The following GTF2IRD1 variants were observed in gnomAD, a reference collection of about 807,000 sequenced individuals.
The protein encoded by GTF2IRD1 is general transcription factor II-I repeat domain-containing protein 1.
Under a neutral mutation model 113.2 loss-of-function variants are expected in GTF2IRD1, and 26 were observed. The ratio of observed to expected loss-of-function variants is 0.23; its 90% CI spans 0.17 to 0.32. The LOEUF is 0.32. GTF2IRD1 is among the 10% of genes least tolerant of loss of function. The probability of loss-of-function intolerance (pLI) is 1.00; values close to 1 mark genes in which losing one functional copy is unlikely to be tolerated. For synonymous variants in GTF2IRD1, 484 were observed against 529.1 expected, an observed-to-expected ratio of 0.91 and a Z score of 1.17; for missense variants, 864 against 1,280.8, an observed-to-expected ratio of 0.67 and a Z score of 4.97.
In GTF2IRD1 at chr7:74,555,227, C is replaced by A. The variant is rs1799522030; in HGVS notation, c.1966+4C>A. On this transcript the variant is annotated splice_donor_region_variant and intron_variant, in intron 18 of 26. Coordinates refer to ENST00000424337, the MANE Select transcript of GTF2IRD1 (RefSeq NM_005685.4). The surrounding 1 kb of genome is among the most constrained non-coding windows in gnomAD (Gnocchi z 5.3). ...GAGCCCATCATGGATAGTCAAGGTA[C>A]CCAGCGCGGGGTCGGGAGCCATGGT... 6.2e-7 allele frequency: 1 copy of A among 1,613,062 alleles called. No individual in the cohort carries two copies. The highest frequency in any genetic ancestry group is 1.3e-5 in the African/African-American group (1 of 75,028).
intron 1 of GTF2IRD1, among the ~76,000 whole-genome samples, chr7:74,496,790 GT>G (rs1795760207): frequency 2.0e-5 from 3 of 151,992 alleles, no homozygotes; most frequent in Admixed American, 2.0e-4. Flanking sequence ...GTCCTCTCTA[GT>G]CTTAGGAACG....
intron 8 of GTF2IRD1, among the ~76,000 whole-genome samples, chr7:74,527,776 G>A (rs587656818): frequency 1.1e-4 from 16 of 152,234 alleles, no homozygotes; most frequent in African/African-American, 3.9e-4. Flanking sequence ...CAGTCAGGGA[G>A]TTTGCAGTGA....
intron 1 of GTF2IRD1, among the ~76,000 whole-genome samples, chr7:74,470,351 G>A (rs1554332013): frequency 6.6e-6 from 1 of 152,002 alleles, no homozygotes; most frequent in African/African-American, 2.4e-5. Context: ...TGTGACCATC[G>A]CCACCATCTA....
intron 1 of GTF2IRD1, among the ~76,000 whole-genome samples, chr7:74,472,245 G>A (rs1794157507): frequency 1.1e-5 from 1 of 89,714 alleles, no homozygotes. Context: ...GCCAGGTGCT[G>A]CAGTGGGGCC....
At chr7:74,533,645 G>GC (rs1798106617) in intron 9 of GTF2IRD1, among the ~76,000 whole-genome samples, 1 of 152,084 alleles carries the variant, frequency 6.6e-6, no homozygotes, top group African/African-American at 2.4e-5. Context: ...CTAGCTCACT[G>GC]CTCTCTCTCC....
chr7:74,482,901 G>A (rs998217313), intron 1 of GTF2IRD1, among the ~76,000 whole-genome samples: 3 of 152,194 alleles, frequency 2.0e-5, no homozygotes, highest in Middle Eastern at 3.2e-3. Context: ...CACATGTACC[G>A]TGGAAACAGA....
chr7:74,569,917 G>T (rs79250783), intron 22 of GTF2IRD1, among the ~76,000 whole-genome samples: 3 of 152,260 alleles, frequency 2.0e-5, no homozygotes, highest in Admixed American at 2.0e-4. Context: ...CAGGCTGGGG[G>T]CCTCTCAGAA....
rs1171234454 is a variant in GTF2IRD1, at chr7:74,602,592, A to T, written c.*159A>T. 1.3e-3 allele frequency: 12 copies of T among 9,432 alleles called. No individual in the cohort carries two copies. Among genetic ancestry groups the T allele is most frequent in the East Asian group, 0.017 (1 of 60 alleles). The allele number at this position is 9,432 out of a possible 1,614,324, so 0.6% of individuals were successfully genotyped here. A position where few individuals can be genotyped will look rare whatever the true frequency, so the allele number is the denominator to read the frequency against. ...GGCCTTTTTAAATAAGTAAAAAAAG[A>T]AAAAAAAAAAAAAGAGTGTTGCCTT... On this transcript the variant is annotated 3_prime_UTR_variant, in exon 27 of 27. Coordinates refer to ENST00000424337, the MANE Select transcript of GTF2IRD1 (RefSeq NM_005685.4).
chr7:74,599,962 C>A (rs1176785657), intron 25 of GTF2IRD1, among the ~76,000 whole-genome samples: 1 of 152,194 alleles, frequency 6.6e-6, no homozygotes, highest in Non-Finnish European at 1.5e-5. Context: ...CGGAGCCACG[C>A]AGACTTGGCC....
Position 74,555,004 on chromosome 7 carries a change from C to T in GTF2IRD1, c.1917-170C>T, listed in dbSNP as rs1270490587. ...TCCCAGCTGGATCCTTCAAGCCCAG[C>T]GCAGCCCCCCAGATTCCACATGTGG... is the stretch of plus-strand genomic sequence containing the variant. On this transcript the variant is annotated intron_variant, in intron 17 of 26. Coordinates refer to ENST00000424337, the MANE Select transcript of GTF2IRD1 (RefSeq NM_005685.4). The surrounding 1 kb of genome is among the most constrained non-coding windows in gnomAD (Gnocchi z 5.3). Among the ~76,000 whole-genome samples the T allele has an allele frequency of 5.3e-5, 8 of 152,086 alleles. No individual in the cohort carries two copies. The highest frequency in any genetic ancestry group is 5.9e-5 in the Non-Finnish European group (4 of 68,028).
chr7:74,513,360 C>CA (rs1796745769), intron 3 of GTF2IRD1, among the ~76,000 whole-genome samples: 1 of 152,182 alleles, frequency 6.6e-6, no homozygotes, highest in Non-Finnish European at 1.5e-5. Context: ...GGCTGGAGTG[C>CA]AGTGGCACAA....
At chr7:74,583,977 G>A (rs1801578753) in intron 22 of GTF2IRD1, among the ~76,000 whole-genome samples, 1 of 152,102 alleles carries the variant, frequency 6.6e-6, no homozygotes, top group Non-Finnish European at 1.5e-5. Flanking sequence ...ACTCCCAGCT[G>A]GGTCAGGATC....
At chr7:74,552,130 A>G (rs1465952196) in intron 17 of GTF2IRD1, among the ~76,000 whole-genome samples, 5 of 151,994 alleles carry the variant, frequency 3.3e-5, no homozygotes, top group Non-Finnish European at 5.9e-5. Flanking sequence ...CACGCCTGTA[A>G]TCCTAGCATT....
intron 22 of GTF2IRD1, among the ~76,000 whole-genome samples, chr7:74,585,398 T>A (rs1318355655): frequency 2.6e-5 from 4 of 151,886 alleles, no homozygotes; most frequent in Non-Finnish European, 5.9e-5. Context: ...TAGGCGTGAG[T>A]CACCGTGCCC....
At chr7:74,537,221 C>T (rs1222360761) in intron 11 of GTF2IRD1, among the ~76,000 whole-genome samples, 1 of 152,124 alleles carries the variant, frequency 6.6e-6, no homozygotes, top group Admixed American at 6.6e-5. Context: ...ACCAACCTGG[C>T]CAACATGGCA....
intron 22 of GTF2IRD1, among the ~76,000 whole-genome samples, chr7:74,568,562 G>A (rs1800483034): frequency 6.6e-6 from 1 of 152,040 alleles, no homozygotes; most frequent in African/African-American, 2.4e-5. Flanking sequence ...TCAGGAGAAT[G>A]GCGTGAACCC....
rs782270399 is a variant in GTF2IRD1, at chr7:74,602,442, A to G, written c.*9A>G. The G allele has an allele frequency of 6.2e-7, 1 of 1,609,656 alleles. No individual in the cohort carries two copies. The highest frequency in any genetic ancestry group is 1.1e-5 in the South Asian group (1 of 90,830). ...GACCTCTTAATTACTAGACCTCAGTACTGAATCAGGACCTCACTCAGAAAG... is the reference window on the plus strand; with the variant it reads ...GACCTCTTAATTACTAGACCTCAGTGCTGAATCAGGACCTCACTCAGAAAG... On this transcript the variant is annotated 3_prime_UTR_variant, in exon 27 of 27. Coordinates refer to ENST00000424337, the MANE Select transcript of GTF2IRD1 (RefSeq NM_005685.4).
intron 17 of GTF2IRD1, among the ~76,000 whole-genome samples, chr7:74,550,963 C>T (rs1799271416): frequency 6.6e-6 from 1 of 151,960 alleles, no homozygotes; most frequent in Admixed American, 6.6e-5. Flanking sequence ...ATAGCTTAAG[C>T]ACAGAGGGTC....
intron 22 of GTF2IRD1, among the ~76,000 whole-genome samples, chr7:74,582,149 C>A (rs1485321950): frequency 6.6e-6 from 1 of 152,252 alleles, no homozygotes; most frequent in Non-Finnish European, 1.5e-5. Context: ...TCGGGCAAGA[C>A]TGGTGCCAGC....
Sources: allele counts gnomAD v4.1 joint callset (sites outside exome capture counted in the v4.1 genomes callset), GRCh38; gene constraint gnomAD v4.1.1; non-coding constraint Gnocchi (gnomAD v3.1); transcripts MANE v1.5; gene names NCBI Gene and HGNC (gene_info 2026-07-23, HGNC 2026-07-21).